Variants in PACS2 observed in about 807,000 individuals in gnomAD.
PACS2 encodes PACS1-like protein.
Under a neutral mutation model 113.0 loss-of-function variants are expected in PACS2, and 36 were observed. That is an observed-to-expected ratio of 0.32 (90% CI 0.24 to 0.42). The LOEUF (loss-of-function observed/expected upper bound fraction) is 0.42. PACS2 is among the 10% of genes least tolerant of loss of function. The pLI is 1.00. For missense variants in PACS2, 1,015 were observed against 1,239.5 expected, an observed-to-expected ratio of 0.82 and a Z score of 2.72; for synonymous variants, 589 against 536.1, an observed-to-expected ratio of 1.10 and a Z score of -1.36.
intron 4 of PACS2, among the ~76,000 whole-genome samples, chr14:105,359,138 G>A (rs1297002170): frequency 3.3e-5 from 5 of 151,864 alleles, no homozygotes; most frequent in East Asian, 3.9e-4. Flanking sequence ...CCACACACAC[G>A]TCCACCCCTA....
At chr14:105,373,907 G>C (rs1488446691) in intron 8 of PACS2, among the ~76,000 whole-genome samples, 2 of 152,112 alleles carry the variant, frequency 1.3e-5, no homozygotes, top group African/African-American at 4.8e-5. Flanking sequence ...AGTGGCCGAG[G>C]CTTGAGGCTC....
chr14:105,350,419 T>C (rs1324222216), intron 2 of PACS2, among the ~76,000 whole-genome samples: 2 of 152,142 alleles, frequency 1.3e-5, no homozygotes, highest in Non-Finnish European at 2.9e-5. Context: ...CTGTCTCTGG[T>C]CCTGCCCCAG....
upstream of PACS2, among the ~76,000 whole-genome samples, chr14:105,314,007 G>C (rs919782158): frequency 6.6e-6 from 1 of 152,276 alleles, no homozygotes; most frequent in African/African-American, 2.4e-5. Flanking sequence ...GCACAACGCT[G>C]AAAAGCGGCG....
intron 1 of PACS2, among the ~76,000 whole-genome samples, chr14:105,347,041 T>G (rs1555402804): frequency 7.6e-6 from 1 of 131,374 alleles, no homozygotes; most frequent in African/African-American, 3.0e-5. Context: ...CACTGCCTGT[T>G]GTCCGCTGTC....
At position 105,380,971 on chromosome 14, in the gene PACS2, G is replaced by C. The variant is rs368644586; in HGVS notation, c.1140G>C (p.Pro380=). The C allele has an allele frequency of 3.1e-6, 5 of 1,611,288 alleles. No homozygotes were observed. The South Asian group carries it at 4.4e-5, about 14-fold the overall frequency. ...CTGCTCAGCAGGGTGTGCCAGGCCC[G>C]AGGGAGCACCCTGGACAGCCTGAGG... ...SDTVALGVPG[P]REHPGQPEDS... Residue 380 remains proline, a synonymous_variant, in exon 12 of 25, where the codon CCG becomes CCC. Transcript: ENST00000447393.
At chr14:105,371,992 G>C (rs1319192103) in intron 8 of PACS2, 2 of 152,184 alleles carry the variant, frequency 1.3e-5, no homozygotes, top group Non-Finnish European at 2.9e-5. Context: ...AGAGCTCTCG[G>C]GCCCTAACCA....
At position 105,330,600 on chromosome 14, in the gene PACS2, A is replaced by G. The variant is rs1295263558; in HGVS notation, c.119+15563A>G. On this transcript the variant is annotated intron_variant, in intron 1 of 24. Transcript: ENST00000447393. This position sits in a 1 kb window ranked among gnomAD's most constrained non-coding sequence, Gnocchi z 6.9. ...CCGGTCCCAGGGTGGCAGCTAGTGC[A>G]GCCTAGGCCACACCAGCATGACCCC... is the stretch of plus-strand genomic sequence containing the variant. Among the ~76,000 whole-genome samples the G allele has an allele frequency of 6.6e-6, 1 of 152,174 alleles. No homozygotes were observed. Among genetic ancestry groups the G allele is most frequent in the Non-Finnish European group, 1.5e-5 (1 of 68,024 alleles).
At position 105,357,709 on chromosome 14, in the gene PACS2, G is replaced by A. The variant is rs1019384873; in HGVS notation, c.423+2532G>A. On this transcript the variant is annotated intron_variant, in intron 4 of 24. Transcript: ENST00000447393. The surrounding 1 kb of genome is among the most constrained non-coding windows in gnomAD (Gnocchi z 5.1). ...GCACAGACGGACACAGGTGGCAGAGGTGGGGGGCTCTCACCAGCTGGGCTC... is the reference window on the plus strand; with the variant it reads ...GCACAGACGGACACAGGTGGCAGAGATGGGGGGCTCTCACCAGCTGGGCTC... 6.6e-6 allele frequency among the ~76,000 whole-genome samples: 1 copy of A among 152,212 alleles called. No homozygotes were observed. Among genetic ancestry groups the A allele is most frequent in the Non-Finnish European group, 1.5e-5 (1 of 68,042 alleles).
At chr14:105,335,492 G>A (rs1230064650) in intron 1 of PACS2, among the ~76,000 whole-genome samples, 2 of 152,198 alleles carry the variant, frequency 1.3e-5, no homozygotes, top group East Asian at 1.9e-4. Flanking sequence ...TGCTGACTCC[G>A]GCACCATCAG....
At chr14:105,345,410 A>G (rs1474798827) in intron 1 of PACS2, among the ~76,000 whole-genome samples, 4 of 149,014 alleles carry the variant, frequency 2.7e-5, no homozygotes, top group African/African-American at 7.4e-5. Context: ...CCGTCTTGAG[A>G]AAAAAAAAAA....
intron 1 of PACS2, among the ~76,000 whole-genome samples, chr14:105,322,648 C>A (rs2058943441): frequency 6.6e-6 from 1 of 152,188 alleles, no homozygotes; most frequent in Admixed American, 6.5e-5. Context: ...CCACTTTATT[C>A]TAATCCAACC....
intron 1 of PACS2, among the ~76,000 whole-genome samples, chr14:105,341,762 T>TA (rs1451767788): frequency 6.6e-6 from 1 of 152,242 alleles, no homozygotes; most frequent in Non-Finnish European, 1.5e-5. Flanking sequence ...TGGAGCTTTT[T>TA]ATTCTTCGTG....
intron 9 of PACS2, among the ~76,000 whole-genome samples, chr14:105,379,190 C>T (rs1013895679): frequency 4.6e-5 from 7 of 151,938 alleles, no homozygotes; most frequent in Non-Finnish European, 7.4e-5. Context: ...CTGGGTGGTC[C>T]GGAAAGGCCT....
chr14:105,383,325 TC>T, intron 15 of PACS2, 33 bp from the exon 16 acceptor site: 1 of 1,601,610 alleles, frequency 6.2e-7, no homozygotes, highest in Non-Finnish European at 8.5e-7. Context: ...GAGGCGTCTG[TC>T]CCCTCTCCGT....
At chr14:105,320,216 T>TTTG (rs2058836111) in intron 1 of PACS2, among the ~76,000 whole-genome samples, 1 of 152,160 alleles carries the variant, frequency 6.6e-6, no homozygotes, top group African/African-American at 2.4e-5. Flanking sequence ...GACCTTGTTA[T>TTTG]CCGTCCACCT....
chr14:105,319,215 G>C (rs2076675989), intron 1 of PACS2, among the ~76,000 whole-genome samples: 1 of 152,194 alleles, frequency 6.6e-6, no homozygotes, highest in Non-Finnish European at 1.5e-5. Flanking sequence ...GAAAGTGCTG[G>C]GATTACAGGC....
rs1412602796 is a variant in PACS2, at chr14:105,356,577, C to T, written c.423+1400C>T. 1.3e-5 allele frequency among the ~76,000 whole-genome samples: 2 copies of T among 152,186 alleles called. No homozygotes were observed. Among genetic ancestry groups the T allele is most frequent in the Admixed American group, 6.5e-5 (1 of 15,284 alleles). ...GATGCTCTCTGGGCTGTGAGAGCCT[C>T]CTGGGAGCCACCGCTTGCTTCCTGT... On this transcript the variant is annotated intron_variant, in intron 4 of 24. Coordinates refer to ENST00000447393, the MANE Select transcript of PACS2 (RefSeq NM_001100913.3). This position sits in a 1 kb window ranked among gnomAD's most constrained non-coding sequence, Gnocchi z 4.0.
upstream of PACS2, among the ~76,000 whole-genome samples, chr14:105,312,760 A>G (rs1333099153): frequency 6.6e-6 from 1 of 152,226 alleles, no homozygotes; most frequent in African/African-American, 2.4e-5. Context: ...TGGAAAATAC[A>G]GAAGACCACA....
chr14:105,344,526 G>T (rs1338042344), intron 1 of PACS2, among the ~76,000 whole-genome samples: 1 of 152,110 alleles, frequency 6.6e-6, no homozygotes, highest in Non-Finnish European at 1.5e-5. Context: ...ATGAAAATTG[G>T]TACATTTTAT....
Sources: allele counts gnomAD v4.1 joint callset (sites outside exome capture counted in the v4.1 genomes callset), GRCh38; gene constraint gnomAD v4.1.1; non-coding constraint Gnocchi (gnomAD v3.1); transcripts MANE v1.5; gene names NCBI Gene and HGNC (gene_info 2026-07-23, HGNC 2026-07-21).